BBX: variants seen among roughly 807,000 people sequenced by gnomAD.
BBX encodes HMG box transcription factor BBX.
In BBX, 30 loss-of-function variants were observed where a neutral mutation model predicts 100.2. The observed-to-expected ratio is 0.30, with a 90% CI of 0.22 to 0.41. BBX has a LOEUF of 0.41. BBX is among the 10% of genes least tolerant of loss of function. The pLI, the probability that BBX is intolerant of heterozygous loss-of-function variation, is 1.00. For synonymous variants in BBX, 376 were observed against 388.1 expected (o/e 0.97, Z 0.37); for missense variants, 1,023 against 1,129.8 (o/e 0.91, Z 1.35).
chr3:107,752,570 C>A (rs1205528371), intron 9 of BBX, among the ~76,000 whole-genome samples: 1 of 152,206 alleles, frequency 6.6e-6, no homozygotes, highest in African/African-American at 2.4e-5. Context: ...TGTTTGCTCA[C>A]CCACCTCAGA....
At chr3:107,803,708 C>T (rs1380940817) in intron 17 of BBX, among the ~76,000 whole-genome samples, 2 of 152,090 alleles carry the variant, frequency 1.3e-5, no homozygotes, top group Non-Finnish European at 2.9e-5. Context: ...AATTTGTGCC[C>T]AAGTCAAGAT....
chr3:107,651,065 CT>C (rs1441249080), intron 3 of BBX, among the ~76,000 whole-genome samples: 1 of 152,124 alleles, frequency 6.6e-6, no homozygotes, highest in Non-Finnish European at 1.5e-5. Flanking sequence ...CCCATATGAC[CT>C]TGCTTAACTT....
chr3:107,744,559 A>T lies in BBX; in HGVS notation c.670-71A>T. The T allele has an allele frequency of 2.7e-6, 3 of 1,128,950 alleles. No individual in the cohort carries two copies. In the South Asian group the frequency reaches 4.0e-5, roughly 15 times the overall value. 69.9% of individuals were successfully genotyped at this position (1,128,950 alleles called of 1,614,324 possible). ...TTGATAATAAAGATCGCAAATGAAG[A>T]TAGAGCATTAAATGTTTACCTAACA... On this transcript the variant is annotated intron_variant, in intron 7 of 17. Coordinates refer to ENST00000325805, the MANE Select transcript of BBX (RefSeq NM_001142568.3).
At chr3:107,716,432 G>A (rs1366559922) in intron 4 of BBX, 175 bp from the exon 5 acceptor site, 6 of 714,696 alleles carry the variant, frequency 8.4e-6, no homozygotes, top group Middle Eastern at 7.9e-4. Flanking sequence ...TACATCATAA[G>A]TTAGTTACCA....
rs759459901 is a variant in BBX, at chr3:107,806,921, G to A, written c.*1464G>A. On this transcript the variant is annotated 3_prime_UTR_variant, in exon 18 of 18. Transcript: ENST00000325805. ...AATTTTTAATGGTTTTCAAACTGGCGGAATTTTGACAGTGCTAGTTCGAGT... is the reference window on the plus strand; with the variant it reads ...AATTTTTAATGGTTTTCAAACTGGCAGAATTTTGACAGTGCTAGTTCGAGT... The A allele has an allele frequency of 2.0e-5, 3 of 152,078 alleles. No homozygotes were observed. The highest frequency in any genetic ancestry group is 2.1e-4 in the South Asian group (1 of 4,816). The allele number at this position is 152,078 out of a possible 1,614,324, so 9.4% of individuals were successfully genotyped here. A position where few individuals can be genotyped will look rare whatever the true frequency, so the allele number is the denominator to read the frequency against.
At chr3:107,733,950 G>A (rs1484069621) in intron 7 of BBX, among the ~76,000 whole-genome samples, 3 of 152,094 alleles carry the variant, frequency 2.0e-5, no homozygotes, top group Non-Finnish European at 4.4e-5. Flanking sequence ...TTTAACAGAG[G>A]CCAATTGAAT....
At position 107,773,781 on chromosome 3, in the gene BBX, A is replaced by G; in HGVS notation, c.1915+145A>G. 1 of 777,870 alleles carries G rather than the reference A, an allele frequency of 1.3e-6. No homozygotes were observed. Among genetic ancestry groups the G allele is most frequent in the Non-Finnish European group, 2.0e-6 (1 of 509,468 alleles). The allele number at this position is 777,870 out of a possible 1,614,324, so 48.2% of individuals were successfully genotyped here. A position where few individuals can be genotyped will look rare whatever the true frequency, so the allele number is the denominator to read the frequency against. On this transcript the variant is annotated intron_variant, in intron 11 of 17. Coordinates refer to ENST00000325805, the MANE Select transcript of BBX (RefSeq NM_001142568.3). This position sits in a 1 kb window ranked among gnomAD's most constrained non-coding sequence, Gnocchi z 4.1. The stretch of plus-strand genomic sequence containing the variant: ...TATATTTCTTTATGGTTTATAGATC[A>G]TAATTATTTGTTACTTTACTTACAT...
chr3:107,532,870 G>A (rs1044606381), intron 2 of BBX, among the ~76,000 whole-genome samples: 6 of 152,138 alleles, frequency 3.9e-5, no homozygotes, highest in Middle Eastern at 3.4e-3. Context: ...TTTGATCTCC[G>A]GTAAATTAAT....
At chr3:107,547,177 T>G (rs1168110336) in intron 2 of BBX, among the ~76,000 whole-genome samples, 1 of 152,184 alleles carries the variant, frequency 6.6e-6, no homozygotes, top group African/African-American at 2.4e-5. Flanking sequence ...TTGTGAATAT[T>G]TATAGCTTTG....
At chr3:107,769,012 G>T (rs1380418342) in intron 10 of BBX, among the ~76,000 whole-genome samples, 2 of 848 alleles carry the variant, frequency 2.4e-3, no homozygotes, top group East Asian at 0.2. Flanking sequence ...GGGGGCGGCG[G>T]GGGGGGGGAG....
intron 2 of BBX, among the ~76,000 whole-genome samples, chr3:107,582,868 C>A (rs2052388240): frequency 6.6e-6 from 1 of 151,844 alleles, no homozygotes; most frequent in Non-Finnish European, 1.5e-5. Flanking sequence ...TCAAAATCAT[C>A]TTTGTTGTTG....
At chr3:107,666,310 G>A (rs1276685160) in intron 3 of BBX, among the ~76,000 whole-genome samples, 1 of 152,164 alleles carries the variant, frequency 6.6e-6, no homozygotes. Context: ...CAGCGATACA[G>A]AATGTGTACA....
At chr3:107,651,089 T>G (rs1203451326) in intron 3 of BBX, among the ~76,000 whole-genome samples, 1 of 152,222 alleles carries the variant, frequency 6.6e-6, no homozygotes, top group African/African-American at 2.4e-5. Flanking sequence ...ATTTCCTCTT[T>G]GTAGGCCCTG....
At chr3:107,791,344 A>G in intron 15 of BBX, 45 bp downstream of exon 15, 1 of 1,533,842 alleles carries the variant, frequency 6.5e-7, no homozygotes, top group Non-Finnish European at 9.0e-7. Context: ...CGGAGCTGGA[A>G]ATGACATAAG....
intron 3 of BBX, among the ~76,000 whole-genome samples, chr3:107,651,170 G>A (rs556231700): frequency 4.6e-5 from 7 of 152,172 alleles, no homozygotes; most frequent in Admixed American, 4.6e-4. Flanking sequence ...CTATAACATA[G>A]GTTTTTGTTT....
intron 3 of BBX, among the ~76,000 whole-genome samples, chr3:107,705,284 C>G (rs1359903955): frequency 2.0e-5 from 3 of 152,292 alleles, no homozygotes; most frequent in Non-Finnish European, 4.4e-5. Context: ...CCATACTCTC[C>G]TGTTTCACTG....
At chr3:107,602,303 T>TA (rs1697281124) in intron 2 of BBX, among the ~76,000 whole-genome samples, 2 of 152,236 alleles carry the variant, frequency 1.3e-5, no homozygotes, top group Admixed American at 1.3e-4. Flanking sequence ...ATTTAAGAAA[T>TA]ACATTTCCTA....
intron 2 of BBX, among the ~76,000 whole-genome samples, chr3:107,557,928 G>A (rs1233774179): frequency 1.3e-5 from 2 of 152,218 alleles, no homozygotes; most frequent in Non-Finnish European, 2.9e-5. Context: ...GAGGGCAGTG[G>A]CCCCTGGACT....
chr3:107,547,072 T>A (rs2049292052), intron 2 of BBX, among the ~76,000 whole-genome samples: 1 of 152,216 alleles, frequency 6.6e-6, no homozygotes, highest in Admixed American at 6.5e-5. Flanking sequence ...CAAGTAACAG[T>A]TATCTAAACA....
Sources: allele counts gnomAD v4.1 joint callset (sites outside exome capture counted in the v4.1 genomes callset), GRCh38; gene constraint gnomAD v4.1.1; non-coding constraint Gnocchi (gnomAD v3.1); transcripts MANE v1.5; gene names NCBI Gene and HGNC (gene_info 2026-07-23, HGNC 2026-07-21).